FGF14: variants seen among roughly 807,000 people sequenced by gnomAD.
FGF14 encodes fibroblast growth factor 14.
FGF14 carries 5 observed loss-of-function variants against 25.5 expected under a neutral mutation model. The ratio of observed to expected loss-of-function variants is 0.20; its 90% confidence interval spans 0.10 to 0.41. The LOEUF (loss-of-function observed/expected upper bound fraction) is 0.41, where lower values mean the gene tolerates loss of function less well. FGF14 is among the 10% of genes least tolerant of loss of function. The pLI, the probability that FGF14 is intolerant of heterozygous loss-of-function variation, is 1.00. For synonymous variants in FGF14, 138 were observed against 118.3 expected, an observed-to-expected ratio of 1.17 and a Z score of -1.08; for missense variants, 222 against 320.1, an observed-to-expected ratio of 0.69 and a Z score of 2.34.
chr13:102,332,101 A>G (rs1427286760), intron 1 of FGF14, among the ~76,000 whole-genome samples: 1 of 152,120 alleles, frequency 6.6e-6, no homozygotes, highest in Non-Finnish European at 1.5e-5. Context: ...TCCTCTTTGT[A>G]CTAAACGGCA....
intron 1 of FGF14, among the ~76,000 whole-genome samples, chr13:102,033,478 C>T (rs1374436492): frequency 1.3e-5 from 2 of 148,956 alleles, no homozygotes; most frequent in African/African-American, 5.2e-5. Flanking sequence ...AATATTTCAG[C>T]CTACGCTTGC....
intron 3 of FGF14, among the ~76,000 whole-genome samples, chr13:101,831,840 T>G (rs2042685411): frequency 6.6e-6 from 1 of 152,026 alleles, no homozygotes; most frequent in African/African-American, 2.4e-5. Context: ...AAATCTAAGG[T>G]TGCAGAGAAA....
chr13:102,180,854 C>T (rs1183502986), intron 1 of FGF14, among the ~76,000 whole-genome samples: 1 of 152,098 alleles, frequency 6.6e-6, no homozygotes, highest in Non-Finnish European at 1.5e-5. Context: ...TCTGGCAAAC[C>T]TTGTTCACAT....
chr13:102,386,133 ATT>A (rs771550582), intron 1 of FGF14, among the ~76,000 whole-genome samples: 23 of 139,294 alleles, frequency 1.7e-4, no homozygotes, highest in Admixed American at 1.5e-4. Flanking sequence ...ATATACAGTA[ATT>A]TTTTTTTTTT....
intron 3 of FGF14, among the ~76,000 whole-genome samples, chr13:101,736,541 C>T (rs976630161): frequency 1.3e-5 from 2 of 151,870 alleles, no homozygotes; most frequent in African/African-American, 4.8e-5. Flanking sequence ...TATTATCTTT[C>T]TACAAAAACT....
chr13:102,183,801 T>C (rs530493786), intron 1 of FGF14, among the ~76,000 whole-genome samples: 12 of 152,302 alleles, frequency 7.9e-5, no homozygotes, highest in African/African-American at 2.6e-4. Flanking sequence ...CTCTCCTTAT[T>C]AGCTATGTAA....
intron 3 of FGF14, among the ~76,000 whole-genome samples, chr13:101,735,693 G>T (rs2036139155): frequency 6.6e-6 from 1 of 150,558 alleles, no homozygotes; most frequent in Non-Finnish European, 1.5e-5. Flanking sequence ...AAAGCTCATT[G>T]TTGTTATTAA....
At chr13:102,037,779 G>A (rs942985625) in intron 1 of FGF14, among the ~76,000 whole-genome samples, 2 of 152,072 alleles carry the variant, frequency 1.3e-5, no homozygotes, top group Non-Finnish European at 2.9e-5. Flanking sequence ...TATCCAAGTG[G>A]ATTGAGCCTA....
intron 1 of FGF14, among the ~76,000 whole-genome samples, chr13:102,228,651 G>A (rs184694579): frequency 2.8e-4 from 42 of 152,124 alleles, no homozygotes; most frequent in African/African-American, 9.9e-4. Flanking sequence ...AAAGTACCCC[G>A]AGGAGTTGGC....
chr13:102,361,266 G>A (rs372051634), intron 1 of FGF14, among the ~76,000 whole-genome samples: 13 of 152,264 alleles, frequency 8.5e-5, no homozygotes, highest in African/African-American at 3.1e-4. Context: ...CTTGTCTGTG[G>A]TCCAGGAGAG....
intron 1 of FGF14, among the ~76,000 whole-genome samples, chr13:102,374,644 TTATATATATATATATATATATATA>T (rs55670716): frequency 0.048 from 2,372 of 49,398 alleles, 195 homozygotes; most frequent in African/African-American, 0.16. Flanking sequence ...CTTACATATT[TTATATATATATATATATATATATA>T]TATATATATA....
At chr13:102,160,267 A>G (rs944680003) in intron 1 of FGF14, among the ~76,000 whole-genome samples, 6 of 152,122 alleles carry the variant, frequency 3.9e-5, no homozygotes, top group African/African-American at 1.4e-4. Context: ...CCTGTGGCCC[A>G]TCCAACTGTT....
intron 1 of FGF14, among the ~76,000 whole-genome samples, chr13:101,899,661 T>C (rs1017830124): frequency 6.6e-6 from 1 of 151,742 alleles, no homozygotes; most frequent in Middle Eastern, 3.5e-3. Flanking sequence ...CTATAGCAAA[T>C]AAAAAGTAAA....
At chr13:102,352,579 G>A (rs1399998502) in intron 1 of FGF14, among the ~76,000 whole-genome samples, 1 of 152,138 alleles carries the variant, frequency 6.6e-6, no homozygotes, top group Non-Finnish European at 1.5e-5. Context: ...TTGGGAGGCC[G>A]AGGCGGGCGG....
intron 1 of FGF14, among the ~76,000 whole-genome samples, chr13:102,296,769 A>C (rs1019113977): frequency 2.0e-5 from 3 of 152,178 alleles, no homozygotes; most frequent in South Asian, 2.1e-4. Flanking sequence ...CAACCCAGGG[A>C]AACTAGAATT....
At chr13:101,853,508 AG>A (rs2043963938) in intron 3 of FGF14, among the ~76,000 whole-genome samples, 1 of 152,102 alleles carries the variant, frequency 6.6e-6, no homozygotes, top group African/African-American at 2.4e-5. Context: ...ACTGGGGTGC[AG>A]TGGCATGATC....
At chr13:102,348,335 G>A (rs540018992) in intron 1 of FGF14, among the ~76,000 whole-genome samples, 3 of 152,248 alleles carry the variant, frequency 2.0e-5, no homozygotes, top group South Asian at 2.1e-4. Context: ...GAGATGTTAC[G>A]GGATACAGCA....
chr13:102,068,702 C>A (rs2043013425), intron 1 of FGF14, among the ~76,000 whole-genome samples: 1 of 152,228 alleles, frequency 6.6e-6, no homozygotes, highest in Non-Finnish European at 1.5e-5. Flanking sequence ...GCCTTAGCTG[C>A]CTTCCCGCGG....
intron 3 of FGF14, among the ~76,000 whole-genome samples, chr13:101,771,321 G>A (rs1028224131): frequency 1.3e-5 from 2 of 151,910 alleles, no homozygotes; most frequent in African/African-American, 2.4e-5. Flanking sequence ...CATGATGAAA[G>A]GTTAATTTAA....
Sources: allele counts gnomAD v4.1 joint callset (sites outside exome capture counted in the v4.1 genomes callset), GRCh38; gene constraint gnomAD v4.1.1; transcripts MANE v1.5; gene names NCBI Gene and HGNC (gene_info 2026-07-23, HGNC 2026-07-21).